Variants in VKORC1L1 observed in about 807,000 individuals in gnomAD.
The protein encoded by VKORC1L1 is vitamin K epoxide reductase complex subunit 1-like protein 1.
A neutral mutation model predicts 18.9 loss-of-function variants in VKORC1L1; 2 were observed. The ratio of observed to expected loss-of-function variants is 0.11; its 90% CI spans 0.04 to 0.33. VKORC1L1 has a LOEUF of 0.33. Ranked by LOEUF, VKORC1L1 falls within the 10% of genes least tolerant of loss-of-function variation. The pLI is 1.00. For missense variants in VKORC1L1, 123 were observed against 224.1 expected (o/e 0.55, Z 2.88); for synonymous variants, 96 against 100.0 (o/e 0.96, Z 0.24).
intron 1 of VKORC1L1, among the ~76,000 whole-genome samples, chr7:65,940,912 A>G (rs776762301): frequency 5.3e-5 from 8 of 152,212 alleles, no homozygotes; most frequent in Non-Finnish European, 1.2e-4. Context: ...CAAGGAACCT[A>G]TAGCTTAAGA....
At position 65,954,400 on chromosome 7, in the gene VKORC1L1, G is replaced by A; in HGVS notation, c.*100G>A. 7.0e-7 allele frequency: 1 copy of A among 1,426,986 alleles called. No individual in the cohort carries two copies. The highest frequency in any genetic ancestry group is 9.2e-7 in the Non-Finnish European group (1 of 1,090,024). 88.4% of individuals were successfully genotyped at this position (1,426,986 alleles called of 1,614,324 possible). ...ATTATTATTATTATTATTCACAACA[G>A]ACACTTTCCCTAAGAATCTCAAACT... On this transcript the variant is annotated 3_prime_UTR_variant, in exon 3 of 3. Transcript: ENST00000360768.
chr7:65,926,417 G>T (rs1471654115), intron 1 of VKORC1L1, among the ~76,000 whole-genome samples: 1 of 152,130 alleles, frequency 6.6e-6, no homozygotes, highest in Non-Finnish European at 1.5e-5. Context: ...GCCTCCCAAA[G>T]TGCTGGGATT....
intron 1 of VKORC1L1, among the ~76,000 whole-genome samples, chr7:65,920,720 G>T (rs1474642365): frequency 6.6e-6 from 1 of 151,952 alleles, no homozygotes; most frequent in African/African-American, 2.4e-5. Flanking sequence ...GATGGGCCAG[G>T]CACGGTGGTA....
At chr7:65,902,378 A>T (rs886188672) in intron 1 of VKORC1L1, among the ~76,000 whole-genome samples, 2 of 152,214 alleles carry the variant, frequency 1.3e-5, no homozygotes, top group African/African-American at 4.8e-5. Context: ...AAATACAGTG[A>T]TGGCATTAAC....
intron 2 of VKORC1L1, among the ~76,000 whole-genome samples, chr7:65,949,548 C>G (rs187851447): frequency 1.3e-5 from 2 of 151,714 alleles, no homozygotes; most frequent in Non-Finnish European, 2.9e-5. Context: ...CACCTGTAAT[C>G]CTAGGACTTT....
intron 1 of VKORC1L1, among the ~76,000 whole-genome samples, chr7:65,883,481 A>G (rs1788962181): frequency 2.0e-5 from 3 of 149,612 alleles, no homozygotes; most frequent in South Asian, 4.2e-4. Context: ...CATTGATAGA[A>G]TAAAATACTG....
At chr7:65,898,793 A>G (rs1486147217) in intron 1 of VKORC1L1, among the ~76,000 whole-genome samples, 1 of 152,200 alleles carries the variant, frequency 6.6e-6, no homozygotes, top group Non-Finnish European at 1.5e-5. Context: ...CCAGTCTCCA[A>G]AACTTTTTCC....
intron 1 of VKORC1L1, among the ~76,000 whole-genome samples, chr7:65,921,299 C>G (rs995377280): frequency 5.9e-5 from 9 of 152,118 alleles, no homozygotes; most frequent in Non-Finnish European, 8.8e-5. Flanking sequence ...CTACCAGTGC[C>G]ATGTTCATTT....
chr7:65,925,439 C>G (rs183316174), intron 1 of VKORC1L1, among the ~76,000 whole-genome samples: 114 of 152,326 alleles, frequency 7.5e-4, no homozygotes, highest in Non-Finnish European at 1.3e-3. Context: ...GTGTTGTATA[C>G]CAATGCCACA....
At chr7:65,898,203 T>G (rs1041801854) in intron 1 of VKORC1L1, among the ~76,000 whole-genome samples, 2 of 148,036 alleles carry the variant, frequency 1.4e-5, no homozygotes, top group Non-Finnish European at 3.0e-5. Flanking sequence ...ATTCTCTGCC[T>G]TAGCCTCCCG....
At position 65,934,911 on chromosome 7, in the gene VKORC1L1, G is replaced by A. The variant is rs1789915914; in HGVS notation, c.195-13760G>A. On this transcript the variant is annotated intron_variant, in intron 1 of 2. Transcript: ENST00000360768. ...CTACTAAAAATACAAAAAATTAGCC[G>A]GGCGTGGTGGTGGGTGCCTGTAATC... is the stretch of plus-strand genomic sequence containing the variant. Among the ~76,000 whole-genome samples, 3 of 151,864 alleles carry A rather than the reference G, an allele frequency of 2.0e-5. No individual in the cohort carries two copies. In the South Asian group the frequency reaches 6.3e-4, roughly 32 times the overall value.
rs1406123744 is a variant in VKORC1L1, at chr7:65,957,923, A to G, written c.*3623A>G. 1 of 141,076 alleles carries G rather than the reference A, an allele frequency of 7.1e-6. No homozygotes were observed. Among genetic ancestry groups the G allele is most frequent in the East Asian group, 2.4e-4 (1 of 4,246 alleles). The allele number at this position is 141,076 out of a possible 1,614,324, so 8.7% of individuals were successfully genotyped here. On this transcript the variant is annotated 3_prime_UTR_variant, in exon 3 of 3. Coordinates refer to ENST00000360768, the MANE Select transcript of VKORC1L1 (RefSeq NM_173517.6). ...TTTGCAAAAGTACAGAGTTATCTTC[A>G]GCAATTACTTCACAACTTAGATTGG...
At chr7:65,904,640 A>C (rs1438978545) in intron 1 of VKORC1L1, among the ~76,000 whole-genome samples, 1 of 152,224 alleles carries the variant, frequency 6.6e-6, no homozygotes, top group African/African-American at 2.4e-5. Flanking sequence ...TAATAAACTG[A>C]TAGTGGAAAT....
intron 1 of VKORC1L1, among the ~76,000 whole-genome samples, chr7:65,897,089 A>T (rs1387927153): frequency 6.6e-6 from 1 of 152,230 alleles, no homozygotes; most frequent in African/African-American, 2.4e-5. Flanking sequence ...AGCTGGGAAG[A>T]AATAGTTGCC....
intron 1 of VKORC1L1, among the ~76,000 whole-genome samples, chr7:65,933,032 C>T (rs894985802): frequency 4.0e-5 from 6 of 148,174 alleles, no homozygotes; most frequent in African/African-American, 1.5e-4. Flanking sequence ...GAGCCGAGAT[C>T]GCGCCACTGC....
At chr7:65,907,257 A>G (rs556833954) in intron 1 of VKORC1L1, among the ~76,000 whole-genome samples, 4 of 152,236 alleles carry the variant, frequency 2.6e-5, no homozygotes, top group South Asian at 4.2e-4. Flanking sequence ...CCTGGCCAAC[A>G]TGGTGAAACC....
intron 1 of VKORC1L1, among the ~76,000 whole-genome samples, chr7:65,875,970 G>A (rs939193646): frequency 6.6e-6 from 1 of 152,190 alleles, no homozygotes. Flanking sequence ...TCCAAACACG[G>A]TAAGGTAGAG....
chr7:65,919,771 G>GA (rs1789645759), intron 1 of VKORC1L1, among the ~76,000 whole-genome samples: 1 of 151,990 alleles, frequency 6.6e-6, no homozygotes, highest in Non-Finnish European at 1.5e-5. Flanking sequence ...TATAAACAGT[G>GA]GCCAGGCCGG....
chr7:65,942,898 G>A (rs1335486981), intron 1 of VKORC1L1, among the ~76,000 whole-genome samples: 4 of 152,136 alleles, frequency 2.6e-5, no homozygotes, highest in Non-Finnish European at 2.9e-5. Flanking sequence ...GATCGCCTAT[G>A]ACTTGATTTA....
Sources: gnomAD v4.1 joint callset for allele counts (sites outside exome capture counted in the v4.1 genomes callset) on GRCh38, gnomAD v4.1.1 for gene constraint, MANE v1.5 for transcripts, NCBI Gene and HGNC (gene_info 2026-07-23, HGNC 2026-07-21) for gene names.